Variants in DNAH8 observed in about 807,000 individuals in gnomAD.
DNAH8 encodes the protein axonemal beta dynein heavy chain 8.
Under a neutral mutation model 562.1 loss-of-function variants are expected in DNAH8, and 382 were observed. The observed-to-expected ratio is 0.68, with a 90% CI of 0.63 to 0.74. The LOEUF is 0.74. Ranked by LOEUF, DNAH8 falls within the 30% of genes least tolerant of loss-of-function variation. The pLI, the probability that DNAH8 is intolerant of heterozygous loss-of-function variation, is 0.00. For missense variants in DNAH8, 5,203 were observed against 5,620.4 expected (o/e 0.93, Z 2.37); for synonymous variants, 1,881 against 1,919.4 (o/e 0.98, Z 0.52).
chr6:38,715,945 TA>T (rs1268721240), intron 1 of DNAH8, among the ~76,000 whole-genome samples: 8 of 20,890 alleles, frequency 3.8e-4, no homozygotes, highest in African/African-American at 1.3e-3. Context: ...TATATATATA[TA>T]TATATATATA....
At chr6:38,938,347 C>T in intron 78 of DNAH8, 121 bp downstream of exon 78, 2 of 1,149,600 alleles carry the variant, frequency 1.7e-6, no homozygotes, top group Middle Eastern at 2.0e-4. Flanking sequence ...ACCTAAATGC[C>T]CATCAACAGT....
intron 89 of DNAH8, 83 bp downstream of exon 89, chr6:39,009,053 A>G (rs1414997520): frequency 1.9e-6 from 2 of 1,028,060 alleles, no homozygotes; most frequent in Non-Finnish European, 2.9e-6. Context: ...AAAGCAAGAA[A>G]TCTACCTGTT....
At chr6:38,794,280 C>T (rs183145730) in intron 21 of DNAH8, among the ~76,000 whole-genome samples, 18 of 151,644 alleles carry the variant, frequency 1.2e-4, no homozygotes, top group African/African-American at 3.9e-4. Context: ...CATTTCTAGC[C>T]TCTCACCCTT....
chr6:38,977,875 G>A (rs1763779269), intron 85 of DNAH8, among the ~76,000 whole-genome samples: 1 of 152,162 alleles, frequency 6.6e-6, no homozygotes, highest in Non-Finnish European at 1.5e-5. Context: ...CTCAGCCAAT[G>A]CCTGGGCCCC....
chr6:38,931,685 T>G, intron 75 of DNAH8, 126 bp from the exon 76 acceptor site: 1 of 534,686 alleles, frequency 1.9e-6, no homozygotes, highest in Non-Finnish European at 3.3e-6. Flanking sequence ...ATTAAAATTT[T>G]GTAACTTTCC....
chr6:38,999,973 A>C (rs9369100), intron 88 of DNAH8, among the ~76,000 whole-genome samples: 122,424 of 151,792 alleles, frequency 0.81, 50,054 homozygotes, highest in Middle Eastern at 0.88. Context: ...GCCAGGAAAT[A>C]AAAAAACAAT....
At chr6:39,006,579 G>C (rs1236351145) in intron 88 of DNAH8, among the ~76,000 whole-genome samples, 1 of 152,124 alleles carries the variant, frequency 6.6e-6, no homozygotes, top group Non-Finnish European at 1.5e-5. Context: ...TTGACTGTTG[G>C]ATTATTTGAG....
chr6:38,823,937 G>A (rs1006726205), intron 28 of DNAH8, among the ~76,000 whole-genome samples: 12 of 152,008 alleles, frequency 7.9e-5, no homozygotes, highest in African/African-American at 1.2e-4. Flanking sequence ...ATAGTTCTGG[G>A]CCATTGATAT....
intron 19 of DNAH8, 77 bp downstream of exon 19, chr6:38,789,960 G>C: frequency 8.9e-7 from 1 of 1,128,070 alleles, no homozygotes; most frequent in Non-Finnish European, 1.3e-6. Flanking sequence ...TATGGATTTT[G>C]GAACATCTAT....
chr6:38,986,956 A>T (rs1764439360), intron 87 of DNAH8, among the ~76,000 whole-genome samples: 1 of 152,274 alleles, frequency 6.6e-6, no homozygotes, highest in Admixed American at 6.5e-5. Context: ...ACTTTGTCTT[A>T]TTACATCAGT....
chr6:38,982,258 T>C, intron 85 of DNAH8, 88 bp from the exon 86 acceptor site: 1 of 642,930 alleles, frequency 1.6e-6, no homozygotes, highest in Middle Eastern at 2.6e-4. Context: ...TTTATTTTGA[T>C]AATATAGCCT....
chr6:38,885,039 G>T (rs556762293), intron 56 of DNAH8, among the ~76,000 whole-genome samples: 35 of 152,258 alleles, frequency 2.3e-4, no homozygotes, highest in African/African-American at 8.4e-4. Context: ...TACTCATCCT[G>T]TGGCGAAAAA....
Position 38,982,363 on chromosome 6 carries a change from C to T in DNAH8, c.12852C>T (p.Gly4284=). ...TTTTTAAGGAGCGACGAAAATTTGG[C>T]CCCTTAGGATGGAATATTCCCTACG... The part of the protein sequence containing the change: ...HSTVQERRKF[G]PLGWNIPYEF... The change falls in exon 86 of 93, where the codon GGC becomes GGT. Residue 4284 remains glycine, a synonymous_variant. Transcript: ENST00000327475. 1 of 1,598,112 alleles carries T rather than the reference C, an allele frequency of 6.3e-7. No individual in the cohort carries two copies. Among genetic ancestry groups the T allele is most frequent in the Non-Finnish European group, 8.6e-7 (1 of 1,167,116 alleles).
At chr6:38,867,548 T>C (rs1325386101) in intron 47 of DNAH8, among the ~76,000 whole-genome samples, 1 of 148,828 alleles carries the variant, frequency 6.7e-6, no homozygotes, top group Non-Finnish European at 1.5e-5. Flanking sequence ...ATCGAGACCA[T>C]CCTGGCTAAC....
In DNAH8 at chr6:38,938,391, C is replaced by T. The variant is rs556277724; in HGVS notation, c.11816+165C>T. On this transcript the variant is annotated intron_variant, in intron 78 of 92. Coordinates refer to ENST00000327475, the MANE Select transcript of DNAH8 (RefSeq NM_001206927.2). ...TAAAGAAAAGGTGGTACATATACAA[C>T]GGGGAATACTATGCAGCCATAAAAA... Among the ~76,000 whole-genome samples, 8 of 152,238 alleles carry T rather than the reference C, an allele frequency of 5.3e-5. No homozygotes were observed. The East Asian group carries it at 5.8e-4, about 11-fold the overall frequency.
chr6:38,881,966 C>T (rs966262286), intron 53 of DNAH8, among the ~76,000 whole-genome samples: 4 of 152,100 alleles, frequency 2.6e-5, no homozygotes, highest in Non-Finnish European at 5.9e-5. Context: ...CATTACATTA[C>T]TGGTTTTACC....
intron 91 of DNAH8, among the ~76,000 whole-genome samples, chr6:39,017,154 G>A (rs1277997716): frequency 6.6e-6 from 1 of 151,976 alleles, no homozygotes; most frequent in African/African-American, 2.4e-5. Flanking sequence ...TCAGGCCAGG[G>A]GAACCTTTGT....
At chr6:38,965,883 A>G (rs892122670) in intron 82 of DNAH8, among the ~76,000 whole-genome samples, 3 of 152,230 alleles carry the variant, frequency 2.0e-5, no homozygotes, top group African/African-American at 7.2e-5. Context: ...GAAAAGATAT[A>G]AAATATTTAT....
At chr6:38,738,475 A>G (rs1475751860) in intron 7 of DNAH8, among the ~76,000 whole-genome samples, 1 of 152,220 alleles carries the variant, frequency 6.6e-6, no homozygotes, top group Non-Finnish European at 1.5e-5. Flanking sequence ...AGTGATAGGA[A>G]TACAACATAT....
Sources: gnomAD v4.1 joint callset for allele counts (sites outside exome capture counted in the v4.1 genomes callset) on GRCh38, gnomAD v4.1.1 for gene constraint, MANE v1.5 for transcripts, NCBI Gene and HGNC (gene_info 2026-07-23, HGNC 2026-07-21) for gene names.